PIANP: variants seen among roughly 807,000 people sequenced by gnomAD.
The protein encoded by PIANP is PILR alpha associated neural protein.
PIANP carries 14 observed loss-of-function variants against 28.9 expected under a neutral mutation model. The ratio of observed to expected loss-of-function variants is 0.49; its 90% CI spans 0.32 to 0.76. The LOEUF (loss-of-function observed/expected upper bound fraction) is 0.76. PIANP is among the 30% of genes least tolerant of loss of function. The pLI, the probability that PIANP is intolerant of heterozygous loss-of-function variation, is 0.03. For missense variants in PIANP, 322 were observed against 371.8 expected, an observed-to-expected ratio of 0.87 and a Z score of 1.10; for synonymous variants, 149 against 156.6, an observed-to-expected ratio of 0.95 and a Z score of 0.36.
intron 1 of PIANP, 91 bp from the exon 2 acceptor site, chr12:6,698,195 C>G (rs1284394042): frequency 2.0e-6 from 2 of 1,008,884 alleles, no homozygotes; most frequent in Non-Finnish European, 3.0e-6. Flanking sequence ...ATCTGCCCTC[C>G]CAGGCCACCC....
chr12:6,693,331 G>A (rs1477937320), downstream of PIANP, among the ~76,000 whole-genome samples: 1 of 152,034 alleles, frequency 6.6e-6, no homozygotes, highest in South Asian at 2.1e-4. Context: ...GCAGGTTAGG[G>A]AGCAAAGCTG....
chr12:6,696,070 A>G lies in PIANP; in HGVS notation c.605+373T>C, dbSNP rs1459912195. Among the ~76,000 whole-genome samples the G allele has an allele frequency of 1.3e-5, 2 of 152,126 alleles. No individual in the cohort carries two copies. Among genetic ancestry groups the G allele is most frequent in the Non-Finnish European group, 2.9e-5 (2 of 68,014 alleles). ...TAAAGTGTGAAGGACTGAGTGATCC[A>G]TTATTAAATGTGTGCAAAGAAAGCT... is the stretch of plus-strand genomic sequence containing the variant. On this transcript the variant is annotated intron_variant, in intron 4 of 4. Coordinates refer to ENST00000534837, the MANE Select transcript of PIANP (RefSeq NM_001244014.2). This position sits in a 1 kb window ranked among gnomAD's most constrained non-coding sequence, Gnocchi z 4.0.
chr12:6,695,316 T>C lies in PIANP; in HGVS notation c.*110A>G. ...GCCCCCTTGGGAGGGCCAGGGGCTG[T>C]GGGAGGCCACGCCTGCCTCCTCACT... On this transcript the variant is annotated 3_prime_UTR_variant, in exon 5 of 5. Transcript: ENST00000534837. This position sits in a 1 kb window ranked among gnomAD's most constrained non-coding sequence, Gnocchi z 4.2. 2.9e-6 allele frequency: 4 copies of C among 1,398,392 alleles called. No individual in the cohort carries two copies. Among genetic ancestry groups the C allele is most frequent in the Non-Finnish European group, 3.7e-6 (4 of 1,070,954 alleles). 86.6% of individuals were successfully genotyped at this position (1,398,392 alleles called of 1,614,324 possible).
At position 6,695,155 on chromosome 12, in the gene PIANP, G is replaced by A. The variant is rs1021557949; in HGVS notation, c.*271C>T. The A allele has an allele frequency of 2.7e-5, 40 of 1,499,354 alleles. No individual in the cohort carries two copies. The highest frequency in any genetic ancestry group is 4.6e-5 in the Admixed American group (2 of 43,322). 92.9% of individuals were successfully genotyped at this position (1,499,354 alleles called of 1,614,324 possible). A position where few individuals can be genotyped will look rare whatever the true frequency, so the allele number is the denominator to read the frequency against. ...AAGAGGGGGAATCAAGGTTAAGAGGGCAGAGTTGTCTTAGACAAGGTGGCA... is the reference window on the plus strand; with the variant it reads ...AAGAGGGGGAATCAAGGTTAAGAGGACAGAGTTGTCTTAGACAAGGTGGCA... On this transcript the variant is annotated 3_prime_UTR_variant, in exon 5 of 5. Coordinates refer to ENST00000534837, the MANE Select transcript of PIANP (RefSeq NM_001244014.2). The surrounding 1 kb of genome is among the most constrained non-coding windows in gnomAD (Gnocchi z 4.2).
rs144462126 is a variant in PIANP, at chr12:6,697,633, G to A, written c.177C>T (p.Cys59=). The change falls in exon 3 of 5, where the codon TGC becomes TGT. Residue 59 remains cysteine (C), a synonymous_variant. Transcript: ENST00000534837. The surrounding 1 kb of genome is among the most constrained non-coding windows in gnomAD (Gnocchi z 6.9). ...TTGGTGGAGGTGCTCGCTCCCACAC[G>A]CACACATGACGTGGGGCCGAGGGGC... is the stretch of plus-strand genomic sequence containing the variant. ...RGGPSAPRHV[C]VWERAPPPSR... is the part of the protein sequence containing the mutation. 9.8e-3 allele frequency: 15,295 copies of A among 1,561,230 alleles called. 116 individuals carry two copies. Among genetic ancestry groups the A allele is most frequent in the South Asian group, 0.016 (1,324 of 85,060 alleles).
In PIANP at chr12:6,695,766, G is replaced by C. The variant is rs934501593; in HGVS notation, c.606-115C>G. 1.2e-5 allele frequency: 15 copies of C among 1,207,484 alleles called. No homozygotes were observed. Among genetic ancestry groups the C allele is most frequent in the Non-Finnish European group, 1.6e-5 (15 of 939,352 alleles). The allele number at this position is 1,207,484 out of a possible 1,614,324, so 74.8% of individuals were successfully genotyped here. A position where few individuals can be genotyped will look rare whatever the true frequency, so the allele number is the denominator to read the frequency against. On this transcript the variant is annotated intron_variant, in intron 4 of 4. Coordinates refer to ENST00000534837, the MANE Select transcript of PIANP (RefSeq NM_001244014.2). The surrounding 1 kb of genome is among the most constrained non-coding windows in gnomAD (Gnocchi z 4.2). ...GTCACTCCCAACATCTTATAGCAGA[G>C]AAACTGGCCTTTAACAGTTCTCTCT...
rs1296256237 is a variant in PIANP, at chr12:6,695,136, G to A, written c.*290C>T. 1.3e-6 allele frequency: 2 copies of A among 1,519,468 alleles called. No homozygotes were observed. The highest frequency in any genetic ancestry group is 2.8e-5 in the African/African-American group (2 of 72,066). 94.1% of individuals were successfully genotyped at this position (1,519,468 alleles called of 1,614,324 possible). Reference sequence around the variant, plus strand: ...GAAGGGGAAGTTCAAGACAAAGAGGGGGAATCAAGGTTAAGAGGGCAGAGT... The same window carrying A: ...GAAGGGGAAGTTCAAGACAAAGAGGAGGAATCAAGGTTAAGAGGGCAGAGT... On this transcript the variant is annotated 3_prime_UTR_variant, in exon 5 of 5. Coordinates refer to ENST00000534837, the MANE Select transcript of PIANP (RefSeq NM_001244014.2). This position sits in a 1 kb window ranked among gnomAD's most constrained non-coding sequence, Gnocchi z 4.2.
Position 6,695,158 on chromosome 12 carries a change from G to T in PIANP, c.*268C>A, listed in dbSNP as rs1959812613. 3 of 1,496,884 alleles carry T rather than the reference G, an allele frequency of 2.0e-6. No individual in the cohort carries two copies. The highest frequency in any genetic ancestry group is 2.7e-5 in the South Asian group (2 of 75,308). The allele number at this position is 1,496,884 out of a possible 1,614,324, so 92.7% of individuals were successfully genotyped here. A position where few individuals can be genotyped will look rare whatever the true frequency, so the allele number is the denominator to read the frequency against. On this transcript the variant is annotated 3_prime_UTR_variant, in exon 5 of 5. Transcript: ENST00000534837. This position sits in a 1 kb window ranked among gnomAD's most constrained non-coding sequence, Gnocchi z 4.2. ...AGGGGGAATCAAGGTTAAGAGGGCAGAGTTGTCTTAGACAAGGTGGCATGA... is the reference window on the plus strand; with the variant it reads ...AGGGGGAATCAAGGTTAAGAGGGCATAGTTGTCTTAGACAAGGTGGCATGA...
At chr12:6,692,672 A>C (rs983883255), downstream of PIANP, among the ~76,000 whole-genome samples, 1 of 152,148 alleles carries the variant, frequency 6.6e-6, no homozygotes, top group African/African-American at 2.4e-5. Flanking sequence ...GAGTTGGTTC[A>C]TCAATCCTTG....
In PIANP at chr12:6,698,029, G is replaced by A. The variant is rs1186393427; in HGVS notation, c.17+16C>T. ...GGAATGTGGTCTCCAGGCTCCCTCT[G>A]CTGGGCCAAACTTACCACATCCTGG... On this transcript the variant is annotated intron_variant, in intron 2 of 4. Coordinates refer to ENST00000534837, the MANE Select transcript of PIANP (RefSeq NM_001244014.2). The A allele has an allele frequency of 6.4e-7, 1 of 1,558,342 alleles. No homozygotes were observed. The highest frequency in any genetic ancestry group is 1.9e-5 in the Admixed American group (1 of 51,862).
chr12:6,695,666 G>T lies in PIANP; in HGVS notation c.606-15C>A. On this transcript the variant is annotated splice_polypyrimidine_tract_variant and intron_variant, in intron 4 of 4. Coordinates refer to ENST00000534837, the MANE Select transcript of PIANP (RefSeq NM_001244014.2). The surrounding 1 kb of genome is among the most constrained non-coding windows in gnomAD (Gnocchi z 4.2). ...TGCGGTCCCAGCTGGGGTACCAGAG[G>T]AAAAGAGGTTCTCTTGCACACTCAA... is the stretch of plus-strand genomic sequence containing the variant. 6.7e-7 allele frequency: 1 copy of T among 1,485,600 alleles called. No individual in the cohort carries two copies. The highest frequency in any genetic ancestry group is 9.0e-7 in the Non-Finnish European group (1 of 1,113,858). 92.0% of individuals were successfully genotyped at this position (1,485,600 alleles called of 1,614,324 possible).
At position 6,697,110 on chromosome 12, in the gene PIANP, C is replaced by T. The variant is rs918713037; in HGVS notation, c.523+177G>A. On this transcript the variant is annotated intron_variant, in intron 3 of 4. Transcript: ENST00000534837. The surrounding 1 kb of genome is among the most constrained non-coding windows in gnomAD (Gnocchi z 6.9). ...GACTCCTCTCCAAGTCCTTTCATGT[C>T]TGTCTGCTCCAGTGGACCTGAACTC... 6.6e-6 allele frequency among the ~76,000 whole-genome samples: 1 copy of T among 152,232 alleles called. No individual in the cohort carries two copies. Among genetic ancestry groups the T allele is most frequent in the Non-Finnish European group, 1.5e-5 (1 of 68,052 alleles).
At position 6,695,184 on chromosome 12, in the gene PIANP, G is replaced by C; in HGVS notation, c.*242C>G. On this transcript the variant is annotated 3_prime_UTR_variant, in exon 5 of 5. Coordinates refer to ENST00000534837, the MANE Select transcript of PIANP (RefSeq NM_001244014.2). The surrounding 1 kb of genome is among the most constrained non-coding windows in gnomAD (Gnocchi z 4.2). The stretch of plus-strand genomic sequence containing the variant: ...AGTTGTCTTAGACAAGGTGGCATGA[G>C]AAAAAACCAAAGAGGGCAGAGTTGG... 6.9e-7 allele frequency: 1 copy of C among 1,459,202 alleles called. No homozygotes were observed. Among genetic ancestry groups the C allele is most frequent in the Non-Finnish European group, 9.1e-7 (1 of 1,098,628 alleles). The allele number at this position is 1,459,202 out of a possible 1,614,324, so 90.4% of individuals were successfully genotyped here.
In PIANP at chr12:6,697,102, T is replaced by C. The variant is rs1023304730; in HGVS notation, c.523+185A>G. On this transcript the variant is annotated intron_variant, in intron 3 of 4. Transcript: ENST00000534837. The surrounding 1 kb of genome is among the most constrained non-coding windows in gnomAD (Gnocchi z 6.9). ...ATTACGATGACTCCTCTCCAAGTCCTTTCATGTCTGTCTGCTCCAGTGGAC... is the reference window on the plus strand; with the variant it reads ...ATTACGATGACTCCTCTCCAAGTCCCTTCATGTCTGTCTGCTCCAGTGGAC... Among the ~76,000 whole-genome samples the C allele has an allele frequency of 2.0e-5, 3 of 152,220 alleles. No individual in the cohort carries two copies. The highest frequency in any genetic ancestry group is 4.8e-5 in the African/African-American group (2 of 41,450).
rs1199097125 is a variant in PIANP at position 6,695,089 on chromosome 12, A to G, written c.*337T>C. On this transcript the variant is annotated 3_prime_UTR_variant, in exon 5 of 5. Transcript: ENST00000534837. This position sits in a 1 kb window ranked among gnomAD's most constrained non-coding sequence, Gnocchi z 4.2. The stretch of plus-strand genomic sequence containing the variant: ...GGAAGAGGGAAAGGGCACAGTCAGG[A>G]ACCAAGGGGTAGGCCAGAATAGAAG... 5 of 1,570,708 alleles carry G rather than the reference A, an allele frequency of 3.2e-6. No individual in the cohort carries two copies. Among genetic ancestry groups the G allele is most frequent in the Non-Finnish European group, 4.3e-6 (5 of 1,157,426 alleles).
In PIANP at chr12:6,696,843, T is replaced by C. The variant is rs1311745404; in HGVS notation, c.524-319A>G. 6.6e-6 allele frequency among the ~76,000 whole-genome samples: 1 copy of C among 152,176 alleles called. No individual in the cohort carries two copies. Among genetic ancestry groups the C allele is most frequent in the East Asian group, 1.9e-4 (1 of 5,196 alleles). On this transcript the variant is annotated intron_variant, in intron 3 of 4. Transcript: ENST00000534837. This position sits in a 1 kb window ranked among gnomAD's most constrained non-coding sequence, Gnocchi z 4.0. ...GGTGGAGATGTCCTAGTCTCTGCCA[T>C]GGCCCAACTCCCAAACCACAGGCCC... is the stretch of plus-strand genomic sequence containing the variant.
At position 6,695,558 on chromosome 12, in the gene PIANP, C is replaced by A; in HGVS notation, c.699G>T (p.Pro233=). Residue 233 remains proline (P), a synonymous_variant, in exon 5 of 5, where the codon CCG becomes CCT. Transcript: ENST00000534837. This position sits in a 1 kb window ranked among gnomAD's most constrained non-coding sequence, Gnocchi z 4.2. ...ESQQPLTDLS[P]AGVTVLGAFG... ...AGGCCCCCAGCACAGTGACTCCAGC[C>A]GGGGACAGGTCTGTCAGTGGCTGCT... 1 of 1,593,732 alleles carries A rather than the reference C, an allele frequency of 6.3e-7. No individual in the cohort carries two copies. Among genetic ancestry groups the A allele is most frequent in the South Asian group, 1.2e-5 (1 of 86,924 alleles).
rs749057355 is a variant in PIANP at position 6,696,506 on chromosome 12, T to C, written c.542A>G (p.Tyr181Cys). 15 of 1,600,798 alleles carry C rather than the reference T, an allele frequency of 9.4e-6. No individual in the cohort carries two copies. Among genetic ancestry groups the C allele is most frequent in the African/African-American group, 2.7e-5 (2 of 74,588 alleles). Residue 181 changes from tyrosine (Y) to cysteine (C), a missense_variant, in exon 4 of 5, where the codon TAT becomes TGT. Coordinates refer to ENST00000534837, the MANE Select transcript of PIANP (RefSeq NM_001244014.2). The surrounding 1 kb of genome is among the most constrained non-coding windows in gnomAD (Gnocchi z 4.0). ...GATGATGGAGATGGTAATTGTGACA[T>C]AGAGCTGGGGGTCCACACCTGATTG... is the stretch of plus-strand genomic sequence containing the variant. ...GRGEGVDPQL[Y>C]VTITISIIIV...
chr12:6,700,313 G>C lies in PIANP; in HGVS notation c.-44+301C>G, dbSNP rs1001634866. ...AAAAGGAGGTCGGCGAAGGGACCCCGAGGCAGGGAGTGCCGAGAGCGGACT... is the reference window on the plus strand; with the variant it reads ...AAAAGGAGGTCGGCGAAGGGACCCCCAGGCAGGGAGTGCCGAGAGCGGACT... On this transcript the variant is annotated intron_variant, in intron 1 of 4. Coordinates refer to ENST00000534837, the MANE Select transcript of PIANP (RefSeq NM_001244014.2). This position sits in a 1 kb window ranked among gnomAD's most constrained non-coding sequence, Gnocchi z 5.5. 5.2e-5 allele frequency: 8 copies of C among 152,396 alleles called. No individual in the cohort carries two copies. The highest frequency in any genetic ancestry group is 1.2e-4 in the Non-Finnish European group (8 of 68,266). 9.4% of individuals were successfully genotyped at this position (152,396 alleles called of 1,614,324 possible).
Sources: allele counts gnomAD v4.1 joint callset (sites outside exome capture counted in the v4.1 genomes callset), GRCh38; gene constraint gnomAD v4.1.1; non-coding constraint Gnocchi (gnomAD v3.1); transcripts MANE v1.5; gene names NCBI Gene and HGNC (gene_info 2026-07-23, HGNC 2026-07-21).